Variants in ZBTB20 observed in about 807,000 individuals in gnomAD.
ZBTB20 encodes the protein zinc finger and BTB domain-containing protein 20.
In ZBTB20, 9 loss-of-function variants were observed where a neutral mutation model predicts 56.9. The ratio of observed to expected loss-of-function variants is 0.16; its 90% CI spans 0.10 to 0.28. The LOEUF (loss-of-function observed/expected upper bound fraction) is 0.28, where lower values mean the gene tolerates loss of function less well. ZBTB20 is among the 10% of genes least tolerant of loss of function. The pLI, the probability that ZBTB20 is intolerant of heterozygous loss-of-function variation, is 1.00. For missense variants in ZBTB20, 655 were observed against 1,003.0 expected (o/e 0.65, Z 4.69); for synonymous variants, 417 against 420.7 (o/e 0.99, Z 0.11).
At chr3:114,403,506 C>G (rs961804067) in intron 7 of ZBTB20, among the ~76,000 whole-genome samples, 2 of 151,910 alleles carry the variant, frequency 1.3e-5, no homozygotes, top group African/African-American at 4.8e-5. Flanking sequence ...TATGCTCCAA[C>G]AAATATCTGG....
At chr3:114,892,980 C>T (rs2076879113) in intron 4 of ZBTB20, among the ~76,000 whole-genome samples, 1 of 152,202 alleles carries the variant, frequency 6.6e-6, no homozygotes, top group African/African-American at 2.4e-5. Flanking sequence ...CTGAAAGTCA[C>T]TGAGGCCTTA....
chr3:115,064,072 C>G (rs1016720411), intron 2 of ZBTB20, among the ~76,000 whole-genome samples: 1 of 152,166 alleles, frequency 6.6e-6, no homozygotes, highest in Non-Finnish European at 1.5e-5. Context: ...ATATTTCACA[C>G]TCTTACACAT....
intron 6 of ZBTB20, among the ~76,000 whole-genome samples, chr3:114,671,977 A>G (rs2061382613): frequency 6.6e-6 from 1 of 152,114 alleles, no homozygotes; most frequent in Non-Finnish European, 1.5e-5. Context: ...AGCGCCTCTA[A>G]ACTCCACCAT....
intron 7 of ZBTB20, among the ~76,000 whole-genome samples, chr3:114,473,314 C>T (rs554640680): frequency 6.6e-6 from 1 of 152,228 alleles, no homozygotes; most frequent in Admixed American, 6.5e-5. Context: ...ATATTGTCCT[C>T]CTAATATAAA....
intron 11 of ZBTB20, among the ~76,000 whole-genome samples, chr3:114,340,883 A>AT (rs1231909463): frequency 1.2e-4 from 19 of 152,110 alleles, no homozygotes; most frequent in Non-Finnish European, 2.1e-4. Context: ...ACTGTTTTTC[A>AT]TTTTTTCCCA....
chr3:114,604,270 G>A (rs1315209649), intron 6 of ZBTB20, among the ~76,000 whole-genome samples: 1 of 152,012 alleles, frequency 6.6e-6, no homozygotes, highest in Non-Finnish European at 1.5e-5. Flanking sequence ...ACAAGATTGA[G>A]AACAGTGTAT....
rs2079040964 is a variant in ZBTB20, at chr3:114,325,687, CATT to C, written c.*13315_*13317del. 1.3e-5 allele frequency: 2 copies of C among 152,268 alleles called. No homozygotes were observed. Among genetic ancestry groups the C allele is most frequent in the South Asian group, 4.1e-4 (2 of 4,820 alleles). The allele number at this position is 152,268 out of a possible 1,614,324, so 9.4% of individuals were successfully genotyped here. On this transcript the variant is annotated 3_prime_UTR_variant, in exon 12 of 12. Transcript: ENST00000675478. ...ACCTGTATCAAATTTGGTCCCATCA[CATT>C]GTCCTGTTCCCTCTCTTTGTTTTTC...
chr3:114,379,035 C>T (rs1171543392), intron 10 of ZBTB20: 11 of 152,354 alleles, frequency 7.2e-5, no homozygotes, highest in Middle Eastern at 3.4e-3. Flanking sequence ...CCAATCCTGC[C>T]GCCAGCTCAT....
At chr3:114,405,501 C>T (rs1378916687) in intron 7 of ZBTB20, among the ~76,000 whole-genome samples, 1 of 152,068 alleles carries the variant, frequency 6.6e-6, no homozygotes, top group Non-Finnish European at 1.5e-5. Flanking sequence ...CATGATATAT[C>T]TTGAGAGTAA....
At chr3:114,892,203 G>A (rs2076838162) in intron 4 of ZBTB20, among the ~76,000 whole-genome samples, 1 of 152,178 alleles carries the variant, frequency 6.6e-6, no homozygotes, top group Non-Finnish European at 1.5e-5. Context: ...TTATTTTAGA[G>A]AGATAGCTCC....
intron 1 of ZBTB20, among the ~76,000 whole-genome samples, chr3:115,115,233 A>C (rs1294493023): frequency 6.6e-6 from 1 of 152,074 alleles, no homozygotes; most frequent in African/African-American, 2.4e-5. Context: ...AAGGGATTTC[A>C]TGTGTAGAAG....
intron 5 of ZBTB20, among the ~76,000 whole-genome samples, chr3:114,754,748 T>G (rs1366731174): frequency 1.3e-5 from 2 of 152,164 alleles, no homozygotes; most frequent in Non-Finnish European, 2.9e-5. Flanking sequence ...TAAATAATAT[T>G]TTTAAAATGG....
At chr3:115,083,263 C>T (rs1164728482) in intron 1 of ZBTB20, among the ~76,000 whole-genome samples, 1 of 152,030 alleles carries the variant, frequency 6.6e-6, no homozygotes, top group Non-Finnish European at 1.5e-5. Flanking sequence ...CATTGATCAT[C>T]GCATCCACAT....
intron 5 of ZBTB20, among the ~76,000 whole-genome samples, chr3:114,785,203 A>C (rs2070395172): frequency 1.3e-5 from 2 of 152,208 alleles, no homozygotes; most frequent in South Asian, 4.1e-4. Context: ...AACCTTTTCC[A>C]AAAAGGATAA....
chr3:114,926,160 T>C (rs916258786), intron 3 of ZBTB20, among the ~76,000 whole-genome samples: 4 of 152,200 alleles, frequency 2.6e-5, no homozygotes, highest in African/African-American at 9.7e-5. Context: ...TCCTACAGCC[T>C]ACAGAGAAAG....
chr3:114,825,111 C>T (rs1428935261), intron 4 of ZBTB20, among the ~76,000 whole-genome samples: 1 of 151,834 alleles, frequency 6.6e-6, no homozygotes, highest in African/African-American at 2.4e-5. Flanking sequence ...ATTCAGAGTG[C>T]CAAAAGTCAG....
At position 114,778,088 on chromosome 3, in the gene ZBTB20, A is replaced by C. The variant is rs1218211990; in HGVS notation, c.-343+23013T>G. On this transcript the variant is annotated intron_variant, in intron 5 of 11. Coordinates refer to ENST00000675478, the MANE Select transcript of ZBTB20 (RefSeq NM_001348800.3). ...GGAAGGGGAACATCACACACTGGGGACTGTTGTGGGGTGGGGGGAAGGGGG... is the reference window on the plus strand; with the variant it reads ...GGAAGGGGAACATCACACACTGGGGCCTGTTGTGGGGTGGGGGGAAGGGGG... Among the ~76,000 whole-genome samples, 8 of 106,460 alleles carry C rather than the reference A, an allele frequency of 7.5e-5. No individual in the cohort carries two copies. The East Asian group carries it at 1.2e-3, about 16-fold the overall frequency. 69.8% of individuals were successfully genotyped at this position (106,460 alleles called of 152,430 possible).
chr3:114,408,211 C>T (rs1040551445), intron 7 of ZBTB20, among the ~76,000 whole-genome samples: 2 of 152,194 alleles, frequency 1.3e-5, no homozygotes, highest in African/African-American at 4.8e-5. Context: ...ATAAAAAATA[C>T]TATGTAAGTA....
At chr3:114,444,662 G>A (rs1486934005) in intron 7 of ZBTB20, among the ~76,000 whole-genome samples, 1 of 151,990 alleles carries the variant, frequency 6.6e-6, no homozygotes, top group Non-Finnish European at 1.5e-5. Context: ...TTTCTTATTG[G>A]CAAAATGAGT....
Sources: gnomAD v4.1 joint callset for allele counts (sites outside exome capture counted in the v4.1 genomes callset) on GRCh38, gnomAD v4.1.1 for gene constraint, MANE v1.5 for transcripts, NCBI Gene and HGNC (gene_info 2026-07-23, HGNC 2026-07-21) for gene names.